PSME4: variants seen among roughly 807,000 people sequenced by gnomAD.
The protein encoded by PSME4 is proteasome activator subunit 4.
A neutral mutation model predicts 253.9 loss-of-function variants in PSME4; 89 were observed. That is an observed-to-expected ratio of 0.35 (90% CI 0.30 to 0.42). The LOEUF is 0.42. Ranked by LOEUF, PSME4 falls within the 10% of genes least tolerant of loss-of-function variation. The pLI is 1.00. For synonymous variants in PSME4, 851 were observed against 759.2 expected (o/e 1.12, Z -1.99); for missense variants, 2,014 against 2,195.2 (o/e 0.92, Z 1.65).
chr2:53,914,805 T>C (rs1261244948), intron 20 of PSME4, among the ~76,000 whole-genome samples: 2 of 152,022 alleles, frequency 1.3e-5, no homozygotes, highest in Non-Finnish European at 2.9e-5. Context: ...CACTTGAACC[T>C]GGGAGGCAGA....
At chr2:53,888,558 T>G (rs1679745290) in intron 38 of PSME4, among the ~76,000 whole-genome samples, 163 bp downstream of exon 38, 1 of 152,194 alleles carries the variant, frequency 6.6e-6, no homozygotes, top group South Asian at 2.1e-4. Flanking sequence ...TAAATAACTC[T>G]TATTAAGTAT....
At chr2:53,922,446 G>C in intron 17 of PSME4, 71 bp downstream of exon 17, 2 of 1,508,928 alleles carry the variant, frequency 1.3e-6, no homozygotes, top group East Asian at 2.3e-5. Flanking sequence ...CATTTTGTCA[G>C]AAAGAGCTAA....
At chr2:53,925,754 T>C in intron 13 of PSME4, 65 bp from the exon 14 acceptor site, 1 of 1,475,398 alleles carries the variant, frequency 6.8e-7, no homozygotes. Context: ...TTGGTGGTCA[T>C]CAGGTAACTC....
chr2:53,957,878 C>T (rs866334111), intron 1 of PSME4, among the ~76,000 whole-genome samples: 1 of 152,100 alleles, frequency 6.6e-6, no homozygotes, highest in African/African-American at 2.4e-5. Flanking sequence ...GAGACAAATA[C>T]GAACACTTTG....
At chr2:53,969,692 T>TG (rs1392555005) in intron 1 of PSME4, among the ~76,000 whole-genome samples, 9 of 151,826 alleles carry the variant, frequency 5.9e-5, no homozygotes, top group Non-Finnish European at 1.3e-4. Context: ...CACTCGTTTT[T>TG]TTTTTTTTTT....
intron 33 of PSME4, 143 bp downstream of exon 33, chr2:53,895,440 G>A: frequency 1.2e-6 from 1 of 839,548 alleles, no homozygotes; most frequent in South Asian, 1.8e-5. Context: ...CATAGCATTG[G>A]CAGGAGCAAA....
intron 21 of PSME4, among the ~76,000 whole-genome samples, chr2:53,909,682 G>A (rs748237752): frequency 4.6e-5 from 7 of 152,026 alleles, no homozygotes; most frequent in Non-Finnish European, 1.0e-4. Context: ...ATTTTAGGCC[G>A]GGCAGGGTGG....
At chr2:53,877,495 C>A (rs1679191253) in intron 41 of PSME4, among the ~76,000 whole-genome samples, 1 of 151,246 alleles carries the variant, frequency 6.6e-6, no homozygotes, top group South Asian at 2.1e-4. Context: ...ATACACTCAG[C>A]TTGAAACTGT....
Position 53,937,378 on chromosome 2 carries a change from T to A in PSME4, c.695+13A>T. 1 of 1,555,828 alleles carries A rather than the reference T, an allele frequency of 6.4e-7. No individual in the cohort carries two copies. Among genetic ancestry groups the A allele is most frequent in the Non-Finnish European group, 8.7e-7 (1 of 1,145,750 alleles). ...CGTATTTTTAGAATTTGTCAAGATA[T>A]GAACATACTTACTTAAAACCTTTAT... On this transcript the variant is annotated intron_variant, in intron 5 of 46. Coordinates refer to ENST00000404125, the MANE Select transcript of PSME4 (RefSeq NM_014614.3).
chr2:53,919,056 C>G, intron 20 of PSME4, 95 bp downstream of exon 20: 2 of 1,219,776 alleles, frequency 1.6e-6, no homozygotes, highest in Non-Finnish European at 2.3e-6. Context: ...TAAAGTGATA[C>G]AGAAATAAAA....
At chr2:53,934,499 C>A in intron 8 of PSME4, 106 bp downstream of exon 8, 4 of 1,162,214 alleles carry the variant, frequency 3.4e-6, no homozygotes, top group Non-Finnish European at 4.8e-6. Context: ...AGAATCAAGT[C>A]ACCAACCAAG....
In PSME4 at chr2:53,906,690, G is replaced by A. The variant is rs777358648; in HGVS notation, c.2851C>T (p.Arg951Trp). ...IDRVMLQHEL[R>W]TLTVEGCEYK... ...TCACAACCCTCAACAGTTAGTGTCC[G>A]TAGCTAAGAAAACAATCGCAAACAT... The change falls in exon 26 of 47, where the codon CGG becomes TGG. Residue 951 changes from arginine to tryptophan, a missense_variant. By Grantham distance (101) the Arg-to-Trp change is moderately radical. This residue lies in a region of PSME4 where 989 missense variants were observed against 1,021.1 expected (regional missense o/e 0.97). Coordinates refer to ENST00000404125, the MANE Select transcript of PSME4 (RefSeq NM_014614.3). 4 of 1,598,590 alleles carry A rather than the reference G, an allele frequency of 2.5e-6. No individual in the cohort carries two copies. The highest frequency in any genetic ancestry group is 3.4e-6 in the Non-Finnish European group (4 of 1,173,904).
chr2:53,957,409 TG>T (rs913832669), intron 1 of PSME4, among the ~76,000 whole-genome samples: 2 of 152,082 alleles, frequency 1.3e-5, no homozygotes, highest in African/African-American at 4.8e-5. Flanking sequence ...ATGGTCCCAT[TG>T]GGGGGTGATG....
chr2:53,947,092 C>T (rs1353907262), intron 3 of PSME4, among the ~76,000 whole-genome samples: 2 of 152,196 alleles, frequency 1.3e-5, no homozygotes, highest in South Asian at 2.1e-4. Context: ...TAAATGACTT[C>T]TAACCACCTT....
chr2:53,970,833 C>T lies in PSME4; in HGVS notation c.-49G>A. On this transcript the variant is annotated 5_prime_UTR_variant, in exon 1 of 47. Coordinates refer to ENST00000404125, the MANE Select transcript of PSME4 (RefSeq NM_014614.3). ...CCCCTCCCACCCGAACCCTCCCCGG[C>T]CCCCACCCCTCTCCGGGCTCCGCCT... is the stretch of plus-strand genomic sequence containing the variant. 1 of 1,381,130 alleles carries T rather than the reference C, an allele frequency of 7.2e-7. No individual in the cohort carries two copies. The highest frequency in any genetic ancestry group is 9.5e-7 in the Non-Finnish European group (1 of 1,053,584). The allele number at this position is 1,381,130 out of a possible 1,614,324, so 85.6% of individuals were successfully genotyped here.
chr2:53,942,876 C>G (rs1292509873), intron 3 of PSME4, among the ~76,000 whole-genome samples: 2 of 152,142 alleles, frequency 1.3e-5, no homozygotes, highest in Admixed American at 6.6e-5. Flanking sequence ...GTTCTTGTCC[C>G]AGTTCTTAAG....
At chr2:53,940,705 A>T (rs1234805502) in intron 3 of PSME4, among the ~76,000 whole-genome samples, 1 of 151,184 alleles carries the variant, frequency 6.6e-6, no homozygotes, top group Non-Finnish European at 1.5e-5. Flanking sequence ...TATTTACTAG[A>T]TCATAGTCAA....
intron 21 of PSME4, 71 bp from the exon 22 acceptor site, chr2:53,908,911 C>T (rs1196755183): frequency 1.3e-5 from 15 of 1,173,308 alleles, no homozygotes; most frequent in Admixed American, 2.0e-5. Flanking sequence ...TTTATATCAA[C>T]AGGTTAGGTC....
Position 53,905,532 on chromosome 2 carries a change from C to G in PSME4, c.2943+1066G>C, listed in dbSNP as rs547779569. The stretch of plus-strand genomic sequence containing the variant: ...CCTGGGCAATACAACGAGACCTTAT[C>G]TCTATTAAAAATGAAAAAAATTAGT... On this transcript the variant is annotated intron_variant, in intron 26 of 46. Transcript: ENST00000404125. Among the ~76,000 whole-genome samples the G allele has an allele frequency of 3.3e-5, 5 of 152,100 alleles. 1 individual carries two copies. Among genetic ancestry groups the G allele is most frequent in the Admixed American group, 3.3e-4 (5 of 15,270 alleles).
Sources: allele counts gnomAD v4.1 joint callset (sites outside exome capture counted in the v4.1 genomes callset), GRCh38; gene constraint gnomAD v4.1.1; regional missense constraint gnomAD v4.1.1; transcripts MANE v1.5; gene names NCBI Gene and HGNC (gene_info 2026-07-23, HGNC 2026-07-21).